The following TGDS variants were observed in gnomAD, a reference collection of about 807,000 sequenced individuals.
TGDS encodes TDP-glucose 4,6-dehydratase.
A neutral mutation model predicts 52.3 loss-of-function variants in TGDS; 47 were observed. That is an observed-to-expected ratio of 0.90 (90% CI 0.71 to 1.15). The LOEUF (loss-of-function observed/expected upper bound fraction) is 1.15, where lower values mean the gene tolerates loss of function less well. Among genes scored for constraint, TGDS ranks in the 50% most tolerant of loss-of-function variants. The pLI is 0.00. For missense variants in TGDS, 375 were observed against 418.4 expected (o/e 0.90, Z 0.90); for synonymous variants, 115 against 136.9 (o/e 0.84, Z 1.12).
intron 2 of TGDS, 60 bp downstream of exon 2, chr13:94,593,781 T>C: frequency 8.1e-7 from 1 of 1,229,308 alleles, no homozygotes; most frequent in Non-Finnish European, 1.2e-6. Flanking sequence ...TCTAGTACTT[T>C]TAGAAAACAT....
Position 94,581,563 on chromosome 13 carries a change from T to A in TGDS, c.457-374A>T, listed in dbSNP as rs148184749. 5.6e-3 allele frequency among the ~76,000 whole-genome samples: 851 copies of A among 152,258 alleles called. 7 individuals are homozygous for A. The highest frequency in any genetic ancestry group is 0.019 in the African/African-American group (771 of 41,540). ...GAGTAATGCCAGGTCTGACTTACAT[T>A]TTAAAAATCACTCTGGCTACTGTGT... On this transcript the variant is annotated intron_variant, in intron 5 of 11. Transcript: ENST00000261296.
intron 9 of TGDS, 141 bp from the exon 10 acceptor site, chr13:94,577,570 T>C: frequency 3.2e-6 from 2 of 620,462 alleles, no homozygotes; most frequent in Non-Finnish European, 5.3e-6. Flanking sequence ...TTAGTAACAC[T>C]TTCTATACTT....
At chr13:94,583,793 C>A (rs1261696114) in intron 4 of TGDS, among the ~76,000 whole-genome samples, 4 of 151,998 alleles carry the variant, frequency 2.6e-5, no homozygotes, top group African/African-American at 7.2e-5. Context: ...AAATGACAAA[C>A]TGGGAAAAAC....
rs1236491250 is a variant in TGDS at position 94,596,047 on chromosome 13, C to A, written c.86+4G>T. On this transcript the variant is annotated splice_donor_region_variant and intron_variant, in intron 1 of 11. Transcript: ENST00000261296. ...ACTGCTTGGCTAGCGGCGCCATTAC[C>A]TACATGAAACCAGCACCGCCGGTCA... 6.2e-7 allele frequency: 1 copy of A among 1,614,010 alleles called. No individual in the cohort carries two copies. The highest frequency in any genetic ancestry group is 1.7e-5 in the Admixed American group (1 of 60,004).
At chr13:94,595,933 C>T in intron 1 of TGDS, 118 bp downstream of exon 1, 1 of 1,115,856 alleles carries the variant, frequency 9.0e-7, no homozygotes, top group South Asian at 1.3e-5. Context: ...AGGACCCTCC[C>T]CATATCAGAA....
intron 1 of TGDS, 82 bp from the exon 2 acceptor site, chr13:94,593,989 T>C: frequency 1.2e-6 from 1 of 814,056 alleles, no homozygotes; most frequent in Non-Finnish European, 2.0e-6. Context: ...TGTTGAGTAC[T>C]AGGAAAATAC....
intron 4 of TGDS, among the ~76,000 whole-genome samples, chr13:94,587,112 G>C (rs942976203): frequency 2.0e-5 from 3 of 151,968 alleles, no homozygotes; most frequent in Non-Finnish European, 2.9e-5. Flanking sequence ...ATGAAAACCT[G>C]TAGGATTCAG....
At chr13:94,593,289 C>T (rs1156322519) in intron 2 of TGDS, among the ~76,000 whole-genome samples, 1 of 152,098 alleles carries the variant, frequency 6.6e-6, no homozygotes, top group Non-Finnish European at 1.5e-5. Flanking sequence ...ATTCATTATA[C>T]CTATTCCTCA....
rs1226508779 is a variant in TGDS at position 94,578,792 on chromosome 13, A to G, written c.616-19T>C. ...GAATAACCTAAAAGAATATTTAAAT[A>G]TCATTTCAGACTGGATATTTACTCA... On this transcript the variant is annotated intron_variant, in intron 7 of 11. Transcript: ENST00000261296. The G allele has an allele frequency of 1.4e-6, 2 of 1,430,096 alleles. No individual in the cohort carries two copies. The highest frequency in any genetic ancestry group is 1.4e-5 in the African/African-American group (1 of 70,906). The allele number at this position is 1,430,096 out of a possible 1,614,324, so 88.6% of individuals were successfully genotyped here. A position where few individuals can be genotyped will look rare whatever the true frequency, so the allele number is the denominator to read the frequency against.
chr13:94,578,750 C>T lies in TGDS; in HGVS notation c.639G>A (p.Leu213=). ...CATACCATTTCCTGTTGTGCTGTAG[C>T]AAAGATATAAATTTTGGAATAACCT... ...PEKVIPKFIS[L]LQHNRKCCIH... is the part of the protein sequence containing the mutation. Residue 213 remains leucine (L), a synonymous_variant, in exon 8 of 12, where the codon TTG becomes TTA. Transcript: ENST00000261296. 6.5e-7 allele frequency: 1 copy of T among 1,529,828 alleles called. No homozygotes were observed. Among genetic ancestry groups the T allele is most frequent in the Non-Finnish European group, 9.0e-7 (1 of 1,109,008 alleles). 94.8% of individuals were successfully genotyped at this position (1,529,828 alleles called of 1,614,324 possible).
intron 9 of TGDS, among the ~76,000 whole-genome samples, chr13:94,577,705 A>C (rs1888647179): frequency 6.6e-6 from 1 of 152,186 alleles, no homozygotes; most frequent in Non-Finnish European, 1.5e-5. Context: ...ATTCATAACT[A>C]CTAATGTAAT....
At chr13:94,581,022 G>A in intron 6 of TGDS, 69 bp downstream of exon 6, 6 of 882,296 alleles carry the variant, frequency 6.8e-6, no homozygotes, top group Non-Finnish European at 6.6e-6. Context: ...AAAAAAAAAA[G>A]CTGACTTGGA....
intron 7 of TGDS, among the ~76,000 whole-genome samples, chr13:94,579,036 C>T (rs1489012197): frequency 6.6e-6 from 1 of 152,062 alleles, no homozygotes; most frequent in Non-Finnish European, 1.5e-5. Context: ...GACAGTTGGT[C>T]TCATCATAAA....
At chr13:94,595,905 TGGTCCA>T (rs1008862724) in intron 1 of TGDS, 140 bp downstream of exon 1, 3 of 827,886 alleles carry the variant, frequency 3.6e-6, no homozygotes, top group Non-Finnish European at 6.0e-6. Context: ...AGAGAAAAGC[TGGTCCA>T]GGTCGTGCAT....
chr13:94,593,733 T>C (rs933034781), intron 2 of TGDS, 108 bp downstream of exon 2: 26 of 837,430 alleles, frequency 3.1e-5, no homozygotes, highest in Middle Eastern at 7.1e-4. Flanking sequence ...ATTGCTAAAA[T>C]GACTAAATAA....
intron 3 of TGDS, 56 bp downstream of exon 3, chr13:94,592,185 C>T: frequency 1.5e-6 from 2 of 1,323,146 alleles, no homozygotes; most frequent in Non-Finnish European, 2.1e-6. Context: ...TACAAAGATA[C>T]TATAATCTCT....
chr13:94,579,824 A>C (rs112892366), intron 7 of TGDS, 70 bp downstream of exon 7: 3 of 853,934 alleles, frequency 3.5e-6, no homozygotes, highest in African/African-American at 3.4e-5. Flanking sequence ...AATAACTGAA[A>C]AGAGGTTATT....
At chr13:94,592,165 G>C in intron 3 of TGDS, 76 bp downstream of exon 3, 1 of 1,128,870 alleles carries the variant, frequency 8.9e-7, no homozygotes, top group Non-Finnish European at 1.2e-6. Context: ...CATTACACAA[G>C]TTTGTAAAGT....
chr13:94,591,578 G>A (rs891704651), intron 3 of TGDS, among the ~76,000 whole-genome samples: 1 of 152,204 alleles, frequency 6.6e-6, no homozygotes, highest in African/African-American at 2.4e-5. Context: ...GGGTGACAGA[G>A]CAGACTCTGT....
Sources: allele counts gnomAD v4.1 joint callset (sites outside exome capture counted in the v4.1 genomes callset), GRCh38; gene constraint gnomAD v4.1.1; transcripts MANE v1.5; gene names NCBI Gene and HGNC (gene_info 2026-07-23, HGNC 2026-07-21).